LMX1A: variants seen among roughly 807,000 people sequenced by gnomAD.
LMX1A encodes the protein LIM homeobox transcription factor 1-alpha.
LMX1A carries 15 observed loss-of-function variants against 49.1 expected under a neutral mutation model. The observed-to-expected ratio is 0.31, with a 90% confidence interval of 0.20 to 0.47. LMX1A has a LOEUF of 0.47. Ranked by LOEUF, LMX1A falls within the 20% of genes least tolerant of loss-of-function variation. LMX1A has a pLI of 1.00. For synonymous variants in LMX1A, 167 were observed against 185.7 expected (o/e 0.90, Z 0.82); for missense variants, 372 against 475.8 (o/e 0.78, Z 2.03).
At chr1:165,230,546 C>T (rs1005609478) in intron 4 of LMX1A, among the ~76,000 whole-genome samples, 1 of 152,200 alleles carries the variant, frequency 6.6e-6, no homozygotes, top group Non-Finnish European at 1.5e-5. Context: ...GTAAGCGGAA[C>T]CAACAGGTTT....
intron 3 of LMX1A, among the ~76,000 whole-genome samples, chr1:165,333,783 G>A (rs189298517): frequency 4.8e-4 from 73 of 152,000 alleles, no homozygotes; most frequent in South Asian, 1.0e-3. Context: ...GAAAACACCA[G>A]GCTCAATAAT....
Position 165,355,437 on chromosome 1 carries a change from C to T in LMX1A, c.76+47G>A. On this transcript the variant is annotated intron_variant, in intron 2 of 8. Transcript: ENST00000342310. The surrounding 1 kb of genome is among the most constrained non-coding windows in gnomAD (Gnocchi z 4.7). ...GAGAGCGGGGCTCCAGAGCTCAGCGCCAAGCGGAAAGAGAGTGCGCCCAGG... is the reference window on the plus strand; with the variant it reads ...GAGAGCGGGGCTCCAGAGCTCAGCGTCAAGCGGAAAGAGAGTGCGCCCAGG... 1 of 1,595,134 alleles carries T rather than the reference C, an allele frequency of 6.3e-7. No individual in the cohort carries two copies. Among genetic ancestry groups the T allele is most frequent in the East Asian group, 2.2e-5 (1 of 44,622 alleles).
intron 3 of LMX1A, among the ~76,000 whole-genome samples, chr1:165,339,285 C>T (rs1227939189): frequency 2.6e-5 from 4 of 152,240 alleles, no homozygotes; most frequent in African/African-American, 9.6e-5. Context: ...ATGGTACCCA[C>T]ACCCTGAACT....
chr1:165,309,158 T>G (rs1015586814), intron 3 of LMX1A, among the ~76,000 whole-genome samples: 5 of 149,980 alleles, frequency 3.3e-5, no homozygotes, highest in Non-Finnish European at 7.4e-5. Flanking sequence ...CCTGACAGAG[T>G]GAATGATGCT....
At chr1:165,354,024 G>A (rs1245407433) in intron 2 of LMX1A, among the ~76,000 whole-genome samples, 1 of 152,212 alleles carries the variant, frequency 6.6e-6, no homozygotes. Context: ...GCGGAGGCAG[G>A]AAATCCACTC....
At chr1:165,236,449 G>T (rs1571167989) in intron 4 of LMX1A, among the ~76,000 whole-genome samples, 1 of 151,796 alleles carries the variant, frequency 6.6e-6, no homozygotes, top group African/African-American at 2.4e-5. Flanking sequence ...GAGATGCCGG[G>T]TCAAATACAG....
chr1:165,286,577 C>T (rs1448733568), intron 3 of LMX1A, among the ~76,000 whole-genome samples: 2 of 152,182 alleles, frequency 1.3e-5, no homozygotes, highest in African/African-American at 4.8e-5. Flanking sequence ...AATGAGAGTA[C>T]CCAGAGTAGA....
chr1:165,259,831 G>A (rs1329500315), intron 3 of LMX1A, among the ~76,000 whole-genome samples: 1 of 152,188 alleles, frequency 6.6e-6, no homozygotes, highest in Non-Finnish European at 1.5e-5. Context: ...AACTAAATGA[G>A]TAGACAATGT....
At chr1:165,217,392 G>A (rs1319551625) in intron 4 of LMX1A, among the ~76,000 whole-genome samples, 1 of 152,184 alleles carries the variant, frequency 6.6e-6, no homozygotes, top group African/African-American at 2.4e-5. Context: ...ACAAAGAGAG[G>A]GGAGGAGAAC....
chr1:165,274,344 C>T (rs1653900293), intron 3 of LMX1A, among the ~76,000 whole-genome samples: 1 of 152,162 alleles, frequency 6.6e-6, no homozygotes, highest in Non-Finnish European at 1.5e-5. Context: ...ATTTGCCACC[C>T]TCACTACTTT....
At chr1:165,354,201 A>C (rs1021775103) in intron 2 of LMX1A, among the ~76,000 whole-genome samples, 3 of 150,904 alleles carry the variant, frequency 2.0e-5, no homozygotes, top group Non-Finnish European at 2.9e-5. Flanking sequence ...CAGTACCAAC[A>C]CTCTTGCGCT....
chr1:165,205,857 C>T lies in LMX1A; in HGVS notation c.988+7G>A. The T allele has an allele frequency of 6.2e-7, 1 of 1,613,666 alleles. No individual in the cohort carries two copies. Among genetic ancestry groups the T allele is most frequent in the Admixed American group, 1.7e-5 (1 of 60,002 alleles). ...GAGAGGGCCCGAGGGGCTTAAGTCC[C>T]TCTTACCATAAGGGTGCATGTGGTC... On this transcript the variant is annotated splice_region_variant and intron_variant, in intron 8 of 8. Transcript: ENST00000342310.
rs368295902 is a variant in LMX1A at position 165,249,818 on chromosome 1, T to C, written c.264-178A>G. 3.9e-5 allele frequency among the ~76,000 whole-genome samples: 6 copies of C among 152,284 alleles called. No homozygotes were observed. In the East Asian group the frequency reaches 5.8e-4, roughly 15 times the overall value. On this transcript the variant is annotated intron_variant, in intron 3 of 8. Transcript: ENST00000342310. ...AGGAGATTGAATTGAAGCATTCAGT[T>C]GAGTCATTCAAAGGCTTAAGAAGGG...
In LMX1A at chr1:165,233,051, C is replaced by T. The variant is rs1018086349; in HGVS notation, c.496+16357G>A. ...TGCACCCTTACTTTGTGCCCTACAACCCCCACCATAAACACTTTATATATA... is the reference window on the plus strand; with the variant it reads ...TGCACCCTTACTTTGTGCCCTACAATCCCCACCATAAACACTTTATATATA... On this transcript the variant is annotated intron_variant, in intron 4 of 8. Coordinates refer to ENST00000342310, the MANE Select transcript of LMX1A (RefSeq NM_177398.4). Among the ~76,000 whole-genome samples the T allele has an allele frequency of 3.3e-5, 5 of 152,304 alleles. No individual in the cohort carries two copies. In the East Asian group the frequency reaches 7.7e-4, roughly 24 times the overall value.
intron 3 of LMX1A, among the ~76,000 whole-genome samples, chr1:165,263,466 A>C (rs1653510910): frequency 6.6e-6 from 1 of 152,170 alleles, no homozygotes; most frequent in Non-Finnish European, 1.5e-5. Context: ...TCCGCATCTC[A>C]TATCCAATCT....
At chr1:165,218,691 C>T (rs1273211122) in intron 4 of LMX1A, 2 of 152,192 alleles carry the variant, frequency 1.3e-5, no homozygotes, top group African/African-American at 2.4e-5. Context: ...AAGGACATTT[C>T]TAAAAGAGCC....
At chr1:165,291,890 C>T (rs1210868005) in intron 3 of LMX1A, among the ~76,000 whole-genome samples, 1 of 151,636 alleles carries the variant, frequency 6.6e-6, no homozygotes, top group Non-Finnish European at 1.5e-5. Context: ...GGTGAAACCC[C>T]GTCTCTACTA....
chr1:165,292,093 C>T (rs1462451043), intron 3 of LMX1A, among the ~76,000 whole-genome samples: 2 of 145,334 alleles, frequency 1.4e-5, no homozygotes, highest in Non-Finnish European at 3.0e-5. Flanking sequence ...AAACAATATG[C>T]TATATGCCTG....
At chr1:165,283,629 C>T (rs1004356604) in intron 3 of LMX1A, among the ~76,000 whole-genome samples, 1 of 152,162 alleles carries the variant, frequency 6.6e-6, no homozygotes, top group Admixed American at 6.5e-5. Flanking sequence ...TACCACATAC[C>T]CTGCATAGCA....
Sources: gnomAD v4.1 joint callset for allele counts (sites outside exome capture counted in the v4.1 genomes callset) on GRCh38, gnomAD v4.1.1 for gene constraint, Gnocchi (gnomAD v3.1) non-coding constraint, MANE v1.5 for transcripts, NCBI Gene and HGNC (gene_info 2026-07-23, HGNC 2026-07-21) for gene names.